The following FHDC1 variants were observed in gnomAD, a reference collection of about 807,000 sequenced individuals.
The protein encoded by FHDC1 is FH2 domain containing 1.
FHDC1 carries 25 observed loss-of-function variants against 52.6 expected under a neutral mutation model. The observed-to-expected ratio is 0.48, with a 90% CI of 0.35 to 0.66. The LOEUF (loss-of-function observed/expected upper bound fraction) is 0.66, where lower values mean the gene tolerates loss of function less well. FHDC1 is among the 30% of genes least tolerant of loss of function. The pLI is 0.01. For missense variants in FHDC1, 1,459 were observed against 1,452.8 expected (o/e 1.00, Z -0.07); for synonymous variants, 616 against 581.5 (o/e 1.06, Z -0.85).
At chr4:152,916,100 A>G in the FHDC1 span, among the ~76,000 whole-genome samples, 1 of 151,528 alleles carries the variant, frequency 6.6e-6, no homozygotes, top group South Asian at 2.1e-4. Context: ...GACATTCTAC[A>G]ACATAATTGG....
chr4:152,939,788 G>A (rs1739525173), intron 1 of FHDC1, among the ~76,000 whole-genome samples: 1 of 152,158 alleles, frequency 6.6e-6, no homozygotes, highest in Non-Finnish European at 1.5e-5. Flanking sequence ...GCACTTGTCA[G>A]CCTTAGCAGC....
chr4:152,945,585 T>C (rs555643721), intron 2 of FHDC1, among the ~76,000 whole-genome samples: 91 of 152,124 alleles, frequency 6.0e-4, no homozygotes, highest in African/African-American at 2.1e-3. Context: ...GCCTCCTGAG[T>C]AGCTGGGATT....
At chr4:152,921,058 C>T in the FHDC1 span, among the ~76,000 whole-genome samples, 3 of 151,990 alleles carry the variant, frequency 2.0e-5, no homozygotes, top group Non-Finnish European at 4.4e-5. Context: ...CAGAAATCTA[C>T]CATATAAAAT....
intron 2 of FHDC1, among the ~76,000 whole-genome samples, 193 bp downstream of exon 2, chr4:152,943,748 GT>G (rs2149937818): frequency 6.6e-6 from 1 of 152,296 alleles, no homozygotes; most frequent in South Asian, 2.1e-4. Context: ...AGAAGTATGC[GT>G]GCTGTATCCT....
chr4:152,945,917 C>T (rs2149939340), intron 2 of FHDC1, among the ~76,000 whole-genome samples: 1 of 152,328 alleles, frequency 6.6e-6, no homozygotes, highest in South Asian at 2.1e-4. Flanking sequence ...CCCTGGCAGG[C>T]ACCATTCTAC....
chr4:152,941,642 T>G (rs761613125), intron 1 of FHDC1, among the ~76,000 whole-genome samples: 6 of 152,246 alleles, frequency 3.9e-5, no homozygotes, highest in Non-Finnish European at 7.3e-5. Context: ...TCTCCACTCT[T>G]ATTCCCAAGG....
chr4:152,954,382 A>C, intron 4 of FHDC1, 63 bp downstream of exon 4: 1 of 1,385,890 alleles, frequency 7.2e-7, no homozygotes, highest in South Asian at 1.2e-5. Flanking sequence ...AATATTTTTA[A>C]GTGTGTCAAA....
At chr4:152,952,647 G>A (rs185699137) in intron 2 of FHDC1, among the ~76,000 whole-genome samples, 51 of 152,298 alleles carry the variant, frequency 3.3e-4, no homozygotes, top group South Asian at 2.1e-4. Flanking sequence ...TATGCAGGAG[G>A]TTGTGCATAG....
intron 11 of FHDC1, among the ~76,000 whole-genome samples, chr4:152,974,221 T>C (rs906015361): frequency 6.6e-6 from 1 of 152,218 alleles, no homozygotes; most frequent in African/African-American, 2.4e-5. Context: ...ACCCACAGTA[T>C]TTTTCTCAGC....
At chr4:152,927,154 G>T in the FHDC1 span, among the ~76,000 whole-genome samples, 2 of 152,262 alleles carry the variant, frequency 1.3e-5, no homozygotes, top group Non-Finnish European at 2.9e-5. Flanking sequence ...AACTCCAGAA[G>T]AGGGGTTGTA....
chr4:152,962,416 G>A (rs900117113), intron 6 of FHDC1, among the ~76,000 whole-genome samples: 3 of 152,038 alleles, frequency 2.0e-5, no homozygotes, highest in African/African-American at 4.8e-5. Flanking sequence ...CCATAAATGC[G>A]GTCTCTTTGA....
chr4:152,938,083 G>C (rs1739452670), intron 1 of FHDC1, among the ~76,000 whole-genome samples: 1 of 152,060 alleles, frequency 6.6e-6, no homozygotes, highest in Non-Finnish European at 1.5e-5. Context: ...ACGACCTCCG[G>C]GATTCGGCCG....
chr4:152,963,680 A>G (rs1386417864), intron 8 of FHDC1, among the ~76,000 whole-genome samples: 1 of 150,590 alleles, frequency 6.6e-6, no homozygotes, highest in East Asian at 2.0e-4. Flanking sequence ...TATGTGTAGA[A>G]AGGTCACTTC....
rs922381695 is a variant in FHDC1, at chr4:152,976,416, C to T, written c.3125C>T (p.Ser1042Phe). 6.2e-7 allele frequency: 1 copy of T among 1,613,780 alleles called. No individual in the cohort carries two copies. Among genetic ancestry groups the T allele is most frequent in the Non-Finnish European group, 8.5e-7 (1 of 1,180,030 alleles). Residue 1042 changes from serine to phenylalanine, a missense_variant, in exon 12 of 12, where the codon TCC becomes TTC. Ser to Phe is a radical substitution (Grantham distance 155, BLOSUM62 -2). This residue lies in a region of FHDC1 where 939 missense variants were observed against 854.5 expected (regional missense o/e 1.10). Transcript: ENST00000511601. ...VPSFARNTVA[S>F]SSRSMRTDLP... ...AGCTTTGCCCGGAACACAGTGGCCT[C>T]CTCCTCTCGAAGCATGAGAACAGAT...
the FHDC1 span, among the ~76,000 whole-genome samples, chr4:152,922,259 G>T: frequency 1.3e-5 from 2 of 152,160 alleles, no homozygotes; most frequent in Non-Finnish European, 2.9e-5. Flanking sequence ...AAATCTAGAA[G>T]AAATGGATAA....
the FHDC1 span, among the ~76,000 whole-genome samples, chr4:152,913,232 C>G: frequency 6.6e-6 from 1 of 152,222 alleles, no homozygotes; most frequent in Non-Finnish European, 1.5e-5. Flanking sequence ...AAAAATCCAT[C>G]TCCCCGCAAA....
At chr4:152,963,564 ATTGT>A (rs1233357138) in intron 8 of FHDC1, among the ~76,000 whole-genome samples, 1 of 151,548 alleles carries the variant, frequency 6.6e-6, no homozygotes, top group Non-Finnish European at 1.5e-5. Context: ...GTTGGCTGTA[ATTGT>A]TTGGTGAGCG....
In FHDC1 at chr4:152,976,561, C is replaced by A. The variant is rs779882518; in HGVS notation, c.3270C>A (p.Ser1090Arg). ...PKDSSTLRRA[S>R]SARAPKKRPE... ...ACAGCAGCACTTTGAGGCGAGCCAG[C>A]AGTGCCCGGGCCCCCAAGAAGCGCC... Residue 1090 changes from serine (S) to arginine (R), a missense_variant, in exon 12 of 12, where the codon AGC (serine) becomes AGA (arginine). Ser to Arg is a moderately radical substitution (Grantham distance 110, BLOSUM62 -1). Coordinates refer to ENST00000511601, the MANE Select transcript of FHDC1 (RefSeq NM_001371116.1). The A allele has an allele frequency of 3.1e-6, 5 of 1,612,660 alleles. No homozygotes were observed. In the African/African-American group the frequency reaches 6.7e-5, roughly 22 times the overall value.
chr4:152,936,529 C>T (rs1739384294), intron 1 of FHDC1, 120 bp downstream of exon 1: 2 of 152,318 alleles, frequency 1.3e-5, no homozygotes, highest in Admixed American at 1.3e-4. Context: ...GGCTGAGGCG[C>T]CGAGAAGCGC....
Sources: allele counts gnomAD v4.1 joint callset (sites outside exome capture counted in the v4.1 genomes callset), GRCh38; gene constraint gnomAD v4.1.1; regional missense constraint gnomAD v4.1.1; transcripts MANE v1.5; gene names NCBI Gene and HGNC (gene_info 2026-07-23, HGNC 2026-07-21).